The following ECE1 variants were observed in gnomAD, a reference collection of about 807,000 sequenced individuals.
ECE1 encodes the protein endothelin converting enzyme 1.
In ECE1, 35 loss-of-function variants were observed where a neutral mutation model predicts 98.6. The ratio of observed to expected loss-of-function variants is 0.35; its 90% CI spans 0.27 to 0.47. The LOEUF is 0.47. Among genes scored for constraint, ECE1 ranks in the 20% least tolerant of loss-of-function variants. The probability of loss-of-function intolerance (pLI) is 1.00; values close to 1 mark genes in which losing one functional copy is unlikely to be tolerated. For missense variants in ECE1, 814 were observed against 1,025.3 expected, an observed-to-expected ratio of 0.79 and a Z score of 2.81; for synonymous variants, 394 against 407.1, an observed-to-expected ratio of 0.97 and a Z score of 0.39.
At chr1:21,308,777 G>A (rs766435655) in intron 1 of ECE1, among the ~76,000 whole-genome samples, 2 of 152,130 alleles carry the variant, frequency 1.3e-5, no homozygotes, top group Non-Finnish European at 2.9e-5. Context: ...AGCGAATGCT[G>A]CAAGTCCCCC....
chr1:21,327,720 T>C lies in ECE1; in HGVS notation c.3+17656A>G, dbSNP rs1466967569. ...TTCCTCTCTACTCCAGCTACACAGC[T>C]GGGGTCCCCAGCCCCCCGGGCCTCA... On this transcript the variant is annotated intron_variant, in intron 1 of 18. Transcript: ENST00000415912. The surrounding 1 kb of genome is among the most constrained non-coding windows in gnomAD (Gnocchi z 4.6). Among the ~76,000 whole-genome samples the C allele has an allele frequency of 6.6e-6, 1 of 152,162 alleles. No individual in the cohort carries two copies. Among genetic ancestry groups the C allele is most frequent in the East Asian group, 1.9e-4 (1 of 5,182 alleles).
At chr1:21,342,539 G>T (rs755344751) in intron 1 of ECE1, among the ~76,000 whole-genome samples, 3 of 151,958 alleles carry the variant, frequency 2.0e-5, no homozygotes, top group Non-Finnish European at 4.4e-5. Flanking sequence ...TGGGGAGCTG[G>T]TGACCATCAG....
intron 1 of ECE1, among the ~76,000 whole-genome samples, chr1:21,343,326 G>GA (rs1639439059): frequency 6.6e-6 from 1 of 152,186 alleles, no homozygotes; most frequent in South Asian, 2.1e-4. Flanking sequence ...AATGACAGAC[G>GA]AAAGTATCAC....
intron 2 of ECE1, among the ~76,000 whole-genome samples, chr1:21,284,287 G>C (rs1051912805): frequency 6.6e-6 from 1 of 152,218 alleles, no homozygotes; most frequent in African/African-American, 2.4e-5. Flanking sequence ...TTGGAGGGTA[G>C]GAGGATTGGT....
intron 3 of ECE1, among the ~76,000 whole-genome samples, chr1:21,273,621 C>T (rs1236380188): frequency 6.6e-6 from 1 of 152,134 alleles, no homozygotes; most frequent in Non-Finnish European, 1.5e-5. Context: ...GGAAAAATCA[C>T]TCCTACGTAC....
At chr1:21,318,523 C>G (rs1193974567) in intron 1 of ECE1, among the ~76,000 whole-genome samples, 1 of 152,122 alleles carries the variant, frequency 6.6e-6, no homozygotes, top group African/African-American at 2.4e-5. Context: ...GCAGACATTT[C>G]TCCGCTCTGG....
At chr1:21,279,372 C>T in intron 2 of ECE1, 40 bp from the exon 3 acceptor site, 2 of 1,613,732 alleles carry the variant, frequency 1.2e-6, no homozygotes, top group Non-Finnish European at 1.7e-6. Flanking sequence ...AAGACGTGAG[C>T]CCCGGGCCCC....
chr1:21,327,776 C>A lies in ECE1; in HGVS notation c.3+17600G>T, dbSNP rs1639111858. The stretch of plus-strand genomic sequence containing the variant: ...GTACCAGTCCATGGCCTGTTAGGAA[C>A]CGGGCCGCACAGCAGGAGGTGAGCT... On this transcript the variant is annotated intron_variant, in intron 1 of 18. Coordinates refer to the ECE1 transcript ENST00000415912. The surrounding 1 kb of genome is among the most constrained non-coding windows in gnomAD (Gnocchi z 4.6). Among the ~76,000 whole-genome samples the A allele has an allele frequency of 6.6e-6, 1 of 152,166 alleles. No individual in the cohort carries two copies. The highest frequency in any genetic ancestry group is 1.5e-5 in the Non-Finnish European group (1 of 68,032).
intron 7 of ECE1, among the ~76,000 whole-genome samples, chr1:21,257,267 A>G (rs1292148443): frequency 6.6e-6 from 1 of 152,224 alleles, no homozygotes; most frequent in Non-Finnish European, 1.5e-5. Flanking sequence ...GAATTGTGGT[A>G]GCTGTTATTG....
chr1:21,298,245 C>T (rs2103374064), intron 1 of ECE1: 1 of 166,008 alleles, frequency 6.0e-6, no homozygotes, highest in East Asian at 1.6e-4. Context: ...TCCCTCCCGA[C>T]TCCCTCAGGA....
At position 21,233,754 on chromosome 1, in the gene ECE1, T is replaced by A; in HGVS notation, c.1567-93A>T. ...CCAAGGGCTGTCATGGTTAAGAGAT[T>A]AATCTGCAGGCTGGAGACCGGAATG... On this transcript the variant is annotated intron_variant, in intron 13 of 18. Coordinates refer to ENST00000374893, the MANE Select transcript of ECE1 (RefSeq NM_001397.3). This position sits in a 1 kb window ranked among gnomAD's most constrained non-coding sequence, Gnocchi z 4.0. The A allele has an allele frequency of 8.1e-7, 1 of 1,236,466 alleles. No homozygotes were observed. The highest frequency in any genetic ancestry group is 1.5e-5 in the African/African-American group (1 of 67,282). 76.6% of individuals were successfully genotyped at this position (1,236,466 alleles called of 1,614,324 possible).
intron 2 of ECE1, 145 bp downstream of exon 2, chr1:21,289,925 G>C: frequency 9.2e-7 from 1 of 1,091,886 alleles, no homozygotes; most frequent in Non-Finnish European, 1.2e-6. Context: ...GCTGCGGGGA[G>C]GCGCGGCCCC....
At position 21,218,718 on chromosome 1, in the gene ECE1, CTG is replaced by C. The variant is rs1041279291; in HGVS notation, c.*1235_*1236del. 1.3e-5 allele frequency: 2 copies of C among 152,194 alleles called. No homozygotes were observed. The highest frequency in any genetic ancestry group is 2.9e-5 in the Non-Finnish European group (2 of 68,058). The allele number at this position is 152,194 out of a possible 1,614,324, so 9.4% of individuals were successfully genotyped here. On this transcript the variant is annotated 3_prime_UTR_variant, in exon 19 of 19. Transcript: ENST00000374893. The surrounding 1 kb of genome is among the most constrained non-coding windows in gnomAD (Gnocchi z 4.0). Reference sequence around the variant, plus strand: ...TCTCTTGCCTCAGCCTCCCGAGTAACTGGGATTACAGGTGCCCACCACCACTC... The same window carrying C: ...TCTCTTGCCTCAGCCTCCCGAGTAACGGATTACAGGTGCCCACCACCACTC...
chr1:21,303,027 A>G (rs1044321611), intron 1 of ECE1, among the ~76,000 whole-genome samples: 2 of 152,044 alleles, frequency 1.3e-5, no homozygotes, highest in Non-Finnish European at 2.9e-5. Context: ...CCACTTGCCC[A>G]GTGCTTTCTA....
rs568022205 is a variant in ECE1 at position 21,257,499 on chromosome 1, G to A, written c.828+26C>T. 3 of 1,613,496 alleles carry A rather than the reference G, an allele frequency of 1.9e-6. No homozygotes were observed. In the South Asian group the frequency reaches 3.3e-5, roughly 18 times the overall value. On this transcript the variant is annotated intron_variant, in intron 7 of 18. Coordinates refer to ENST00000374893, the MANE Select transcript of ECE1 (RefSeq NM_001397.3). ...GCAGGAAGGACCGTGCTGGGAGGCA[G>A]GCTGGGAGGGGAGAGGCACGCTTAC...
At chr1:21,253,983 C>T (rs1291726183) in intron 8 of ECE1, among the ~76,000 whole-genome samples, 56 of 146,416 alleles carry the variant, frequency 3.8e-4, no homozygotes, top group Non-Finnish European at 6.4e-4. Context: ...GCAGGAGAAT[C>T]GCTTGAACCT....
In ECE1 at chr1:21,290,056, C is replaced by G. The variant is rs770072843; in HGVS notation, c.138+14G>C. 4.2e-6 allele frequency: 6 copies of G among 1,427,974 alleles called. No individual in the cohort carries two copies. In the South Asian group the frequency reaches 6.9e-5, roughly 16 times the overall value. 88.5% of individuals were successfully genotyped at this position (1,427,974 alleles called of 1,614,324 possible). A position where few individuals can be genotyped will look rare whatever the true frequency, so the allele number is the denominator to read the frequency against. ...GGGGCGCCTGGACCTCGGGAGGGAG[C>G]GGAGGGCGCCTACCTGCAGGCCGTT... On this transcript the variant is annotated intron_variant, in intron 2 of 18. Coordinates refer to ENST00000374893, the MANE Select transcript of ECE1 (RefSeq NM_001397.3). The surrounding 1 kb of genome is among the most constrained non-coding windows in gnomAD (Gnocchi z 7.3).
intron 16 of ECE1, among the ~76,000 whole-genome samples, chr1:21,226,319 C>T (rs1035688064): frequency 6.6e-6 from 1 of 152,226 alleles, no homozygotes; most frequent in Non-Finnish European, 1.5e-5. Flanking sequence ...CCTCACTACA[C>T]ACTTCACACA....
At chr1:21,239,808 A>G (rs532035765) in intron 10 of ECE1, among the ~76,000 whole-genome samples, 1 of 147,576 alleles carries the variant, frequency 6.8e-6, no homozygotes, top group South Asian at 2.1e-4. Flanking sequence ...TTAGCATGCT[A>G]TGCCCAAGGC....
Sources: gnomAD v4.1 joint callset for allele counts (sites outside exome capture counted in the v4.1 genomes callset) on GRCh38, gnomAD v4.1.1 for gene constraint, Gnocchi (gnomAD v3.1) non-coding constraint, MANE v1.5 for transcripts, NCBI Gene and HGNC (gene_info 2026-07-23, HGNC 2026-07-21) for gene names.